Variants in RBBP6 observed in about 807,000 individuals in gnomAD.
RBBP6 encodes the protein E3 ubiquitin-protein ligase RBBP6.
RBBP6 carries 25 observed loss-of-function variants against 167.7 expected under a neutral mutation model. The observed-to-expected ratio is 0.15, with a 90% confidence interval of 0.11 to 0.21. The LOEUF is 0.21. RBBP6 is among the 10% of genes least tolerant of loss of function. RBBP6 has a pLI of 1.00. For synonymous variants in RBBP6, 789 were observed against 735.8 expected (o/e 1.07, Z -1.17); for missense variants, 1,868 against 2,134.2 (o/e 0.88, Z 2.46).
intron 15 of RBBP6, 142 bp downstream of exon 15, chr16:24,567,647 C>T: frequency 7.9e-7 from 1 of 1,263,994 alleles, no homozygotes; most frequent in Non-Finnish European, 1.1e-6. Flanking sequence ...ATACAAGCAA[C>T]TTCTCAGGGA....
intron 7 of RBBP6, chr16:24,558,523 A>G: frequency 6.1e-6 from 6 of 978,086 alleles, no homozygotes; most frequent in Non-Finnish European, 7.3e-6. Context: ...CAACACAAAT[A>G]ACACACCTAA....
intron 1 of RBBP6, among the ~76,000 whole-genome samples, chr16:24,544,981 C>T (rs1196503658): frequency 2.0e-5 from 3 of 152,212 alleles, no homozygotes; most frequent in Admixed American, 2.0e-4. Context: ...CATCATAACA[C>T]AGGTCGTCAT....
chr16:24,544,141 G>C (rs746202067), intron 1 of RBBP6, among the ~76,000 whole-genome samples: 1 of 152,192 alleles, frequency 6.6e-6, no homozygotes, highest in Non-Finnish European at 1.5e-5. Flanking sequence ...TTAATAAGCT[G>C]TCTTGGAAAG....
At chr16:24,557,359 T>C (rs984827248) in intron 7 of RBBP6, among the ~76,000 whole-genome samples, 4 of 152,148 alleles carry the variant, frequency 2.6e-5, no homozygotes, top group African/African-American at 7.2e-5. Context: ...ACATGAAAAT[T>C]CAGTGGCAGG....
In RBBP6 at chr16:24,567,330, C is replaced by T. The variant is rs762103747; in HGVS notation, c.1777C>T (p.Pro593Ser). Residue 593 changes from proline to serine, a missense_variant, in exon 15 of 18, where the codon CCA becomes TCA. Transcript: ENST00000319715. ...FSPQFPPGQP[P>S]PAGYSVPPPG... ...TCCTCAGTTTCCTCCTGGCCAGCCA[C>T]CACCCGCTGGGTATAGTGTCCCTCC... 6.2e-7 allele frequency: 1 copy of T among 1,614,066 alleles called. No individual in the cohort carries two copies. The highest frequency in any genetic ancestry group is 1.3e-5 in the African/African-American group (1 of 75,010).
At position 24,567,278 on chromosome 16, in the gene RBBP6, T is replaced by C. The variant is rs754927914; in HGVS notation, c.1725T>C (p.Pro575=). Residue 575 remains proline (P), a synonymous_variant, in exon 15 of 18, where the codon CCT becomes CCC. Transcript: ENST00000319715. ...CTCCTCCCCATACACTTCCTCTCCC[T>C]CCGGGTGTTCCTCCTCCACAGTTTT... The part of the protein sequence containing the change: ...YPPPPHTLPL[P]PGVPPPQFSP... 38 of 1,613,980 alleles carry C rather than the reference T, an allele frequency of 2.4e-5. No individual in the cohort carries two copies. The highest frequency in any genetic ancestry group is 3.1e-5 in the Non-Finnish European group (37 of 1,180,008).
chr16:24,558,165 A>C (rs1228912042), intron 7 of RBBP6, among the ~76,000 whole-genome samples: 1 of 152,200 alleles, frequency 6.6e-6, no homozygotes, highest in Non-Finnish European at 1.5e-5. Flanking sequence ...GTGTTGGAAA[A>C]ATTAGTATCA....
At chr16:24,565,398 CA>C (rs958688001) in intron 14 of RBBP6, among the ~76,000 whole-genome samples, 11 of 152,190 alleles carry the variant, frequency 7.2e-5, no homozygotes, top group African/African-American at 2.7e-4. Context: ...CTGTCTAGGT[CA>C]GGGGTCCCCA....
rs543330635 is a variant in RBBP6, at chr16:24,572,547, C to G, written c.*102C>G. ...CCTTGTAAATAATGACATGGAAGACCCTGTGCTGCACTTAAAATATTGCTG... is the reference window on the plus strand; with the variant it reads ...CCTTGTAAATAATGACATGGAAGACGCTGTGCTGCACTTAAAATATTGCTG... On this transcript the variant is annotated 3_prime_UTR_variant, in exon 18 of 18. Transcript: ENST00000319715. 7.2e-7 allele frequency: 1 copy of G among 1,382,556 alleles called. No individual in the cohort carries two copies. Among genetic ancestry groups the G allele is most frequent in the African/African-American group, 1.5e-5 (1 of 68,586 alleles). The allele number at this position is 1,382,556 out of a possible 1,614,324, so 85.6% of individuals were successfully genotyped here.
At chr16:24,549,099 T>C in intron 3 of RBBP6, 118 bp downstream of exon 3, 6 of 1,520,442 alleles carry the variant, frequency 3.9e-6, no homozygotes, top group Non-Finnish European at 5.3e-6. Flanking sequence ...ATATTGTAAA[T>C]AAAATGTATT....
chr16:24,562,405 C>T (rs1248729817), intron 10 of RBBP6, among the ~76,000 whole-genome samples: 1 of 152,136 alleles, frequency 6.6e-6, no homozygotes. Context: ...CCCTATTAAA[C>T]GTTGAATGTT....
Position 24,539,837 on chromosome 16 carries a change from C to T in RBBP6, c.-790C>T, listed in dbSNP as rs1484974847. The T allele has an allele frequency of 1.3e-5, 2 of 152,296 alleles. No homozygotes were observed. The highest frequency in any genetic ancestry group is 2.4e-5 in the African/African-American group (1 of 41,464). The allele number at this position is 152,296 out of a possible 1,614,324, so 9.4% of individuals were successfully genotyped here. ...GTGTCCCCGGGGTCCGCCGAAGCCACCCGGCCGCCGGCTGGGGCCCGGGGT... is the reference window on the plus strand; with the variant it reads ...GTGTCCCCGGGGTCCGCCGAAGCCATCCGGCCGCCGGCTGGGGCCCGGGGT... On this transcript the variant is annotated 5_prime_UTR_variant, in exon 1 of 18. Transcript: ENST00000319715.
chr16:24,564,963 G>A, intron 14 of RBBP6, 98 bp downstream of exon 14: 1 of 1,488,898 alleles, frequency 6.7e-7, no homozygotes, highest in Non-Finnish European at 8.9e-7. Context: ...AAGGAAGGGG[G>A]TCATTTGTTT....
At chr16:24,556,170 A>T (rs1898907835) in intron 6 of RBBP6, 138 bp from the exon 7 acceptor site, 2 of 740,002 alleles carry the variant, frequency 2.7e-6, no homozygotes, top group Admixed American at 2.8e-5. Flanking sequence ...TTCACATAGC[A>T]GTTACAAGGA....
Position 24,540,644 on chromosome 16 carries a change from T to C in RBBP6, c.18T>C (p.Tyr6=), listed in dbSNP as rs748575558. 55 of 1,613,836 alleles carry C rather than the reference T, an allele frequency of 3.4e-5. No homozygotes were observed. Among genetic ancestry groups the C allele is most frequent in the Non-Finnish European group, 4.7e-5 (55 of 1,179,870 alleles). ...TTGGCACCATGTCCTGTGTGCATTA[T>C]AAATTTTCCTCTAAACTCAACTATG... MSCVH[Y]KFSSKLNYDT... Residue 6 remains tyrosine (Y), a synonymous_variant, in exon 1 of 18, where the codon TAT becomes TAC. Coordinates refer to ENST00000319715, the MANE Select transcript of RBBP6 (RefSeq NM_006910.5).
chr16:24,554,418 T>G (rs908531833), intron 4 of RBBP6: 4 of 152,098 alleles, frequency 2.6e-5, no homozygotes, highest in African/African-American at 7.2e-5. Flanking sequence ...CCAAGATTAA[T>G]GAAAAGATGG....
chr16:24,551,714 TAAG>T (rs1898800887), intron 3 of RBBP6, among the ~76,000 whole-genome samples: 2 of 151,866 alleles, frequency 1.3e-5, no homozygotes, highest in South Asian at 4.1e-4. Context: ...GTTCCAGTGG[TAAG>T]AAAGTTAATA....
intron 7 of RBBP6, among the ~76,000 whole-genome samples, chr16:24,557,612 A>T (rs1898945213): frequency 6.6e-6 from 1 of 151,410 alleles, no homozygotes; most frequent in African/African-American, 2.4e-5. Flanking sequence ...CCCAATTTTG[A>T]TTTAGAAGTT....
chr16:24,541,190 A>AAAAAAAC (rs1898480032), intron 1 of RBBP6, among the ~76,000 whole-genome samples: 1 of 82,144 alleles, frequency 1.2e-5, no homozygotes, highest in African/African-American at 5.5e-5. Flanking sequence ...GCAAAAAAAA[A>AAAAAAAC]AACAAAAAAA....
Sources: gnomAD v4.1 joint callset for allele counts (sites outside exome capture counted in the v4.1 genomes callset) on GRCh38, gnomAD v4.1.1 for gene constraint, MANE v1.5 for transcripts, NCBI Gene and HGNC (gene_info 2026-07-23, HGNC 2026-07-21) for gene names.